The following TNRC6B variants were observed in gnomAD, a reference collection of about 807,000 sequenced individuals.
The protein encoded by TNRC6B is trinucleotide repeat-containing gene 6B protein.
Under a neutral mutation model 203.6 loss-of-function variants are expected in TNRC6B, and 52 were observed. The observed-to-expected ratio is 0.26, with a 90% CI of 0.20 to 0.32. The LOEUF (loss-of-function observed/expected upper bound fraction) is 0.32. Among genes scored for constraint, TNRC6B ranks in the 10% least tolerant of loss-of-function variants. TNRC6B has a pLI of 1.00. For synonymous variants in TNRC6B, 838 were observed against 845.7 expected (o/e 0.99, Z 0.16); for missense variants, 1,923 against 2,286.2 (o/e 0.84, Z 3.24).
intron 21 of TNRC6B, among the ~76,000 whole-genome samples, 169 bp downstream of exon 21, chr22:40,316,181 C>T (rs904656801): frequency 6.6e-5 from 10 of 151,382 alleles, no homozygotes; most frequent in Non-Finnish European, 1.3e-4. Context: ...GGTGAAACCC[C>T]GTCTCTACTA....
At chr22:40,107,046 T>C in intron 1 of TNRC6B, 1 of 929,218 alleles carries the variant, frequency 1.1e-6, no homozygotes, top group Non-Finnish European at 1.7e-6. Context: ...CTTCTTCTTC[T>C]TCTTTTCTAC....
chr22:40,293,695 C>T (rs1950140041), intron 12 of TNRC6B, among the ~76,000 whole-genome samples: 1 of 152,068 alleles, frequency 6.6e-6, no homozygotes, highest in South Asian at 2.1e-4. Context: ...TGCTCCTTGT[C>T]TGCCCTGCCC....
chr22:40,128,797 A>G (rs6001784), intron 3 of TNRC6B, among the ~76,000 whole-genome samples: 1,855 of 152,056 alleles, frequency 0.012, 39 homozygotes, highest in African/African-American at 0.042. Context: ...TGCTGGAATT[A>G]TAGGTGTAAG....
At position 40,335,347 on chromosome 22, in the gene TNRC6B, A is replaced by T. The variant is rs2146598304; in HGVS notation, c.*12106A>T. 1 of 151,854 alleles carries T rather than the reference A, an allele frequency of 6.6e-6. No individual in the cohort carries two copies. The highest frequency in any genetic ancestry group is 6.6e-5 in the Admixed American group (1 of 15,236). 9.4% of individuals were successfully genotyped at this position (151,854 alleles called of 1,614,324 possible). ...TTTCCTTTTTAGTATAGTGGTACTT[A>T]AAATCACTGGTTCACTTAAAAAAAC... On this transcript the variant is annotated 3_prime_UTR_variant, in exon 23 of 23. Transcript: ENST00000454349.
intron 4 of TNRC6B, among the ~76,000 whole-genome samples, chr22:40,168,907 A>G (rs958457860): frequency 6.6e-6 from 1 of 152,110 alleles, no homozygotes; most frequent in African/African-American, 2.4e-5. Context: ...TTTTATTCCC[A>G]TAGCACAGCC....
At chr22:40,088,651 C>G in intron 1 of TNRC6B, among the ~76,000 whole-genome samples, 1 of 145,806 alleles carries the variant, frequency 6.9e-6, no homozygotes, top group Middle Eastern at 3.3e-3. Flanking sequence ...GACGGGGCTT[C>G]ACCATGTTGG....
chr22:40,224,116 C>T (rs1336792986), intron 1 of TNRC6B, among the ~76,000 whole-genome samples: 5 of 152,150 alleles, frequency 3.3e-5, no homozygotes, highest in Admixed American at 6.5e-5. Context: ...AAGTGATTCT[C>T]GTGCCTCAGC....
intron 1 of TNRC6B, among the ~76,000 whole-genome samples, chr22:40,094,493 TGAA>T (rs2068172865): frequency 6.6e-6 from 1 of 152,178 alleles, no homozygotes; most frequent in Non-Finnish European, 1.5e-5. Flanking sequence ...AAAAACAGTT[TGAA>T]GAAGAAGTTG....
At chr22:40,257,530 A>G (rs2070298888) in intron 3 of TNRC6B, among the ~76,000 whole-genome samples, 1 of 151,950 alleles carries the variant, frequency 6.6e-6, no homozygotes, top group Admixed American at 6.6e-5. Flanking sequence ...CAGCCTGGCC[A>G]ACATGGTGAA....
intron 1 of TNRC6B, among the ~76,000 whole-genome samples, chr22:40,081,800 T>C (rs2068065898): frequency 6.6e-6 from 1 of 152,210 alleles, no homozygotes; most frequent in Non-Finnish European, 1.5e-5. Flanking sequence ...AGACTTTGGA[T>C]AAGACTTTCT....
chr22:40,300,532 T>C lies in TNRC6B; in HGVS notation c.3786T>C (p.Ser1262=). The C allele has an allele frequency of 6.2e-7, 1 of 1,613,418 alleles. No homozygotes were observed. The highest frequency in any genetic ancestry group is 8.5e-7 in the Non-Finnish European group (1 of 1,179,718). The change falls in exon 13 of 23, where the codon TCT becomes TCC. Residue 1262 remains serine, a synonymous_variant. Transcript: ENST00000454349. ...PGLFNVGPQL[S]PQQIAMLSQL... The stretch of plus-strand genomic sequence containing the variant: ...TTTTCAATGTGGGGCCCCAGTTATC[T>C]CCTCAACAAATTGCCATGCTGAGCC...
chr22:40,170,862 C>CACCT (rs1569006611), intron 4 of TNRC6B, among the ~76,000 whole-genome samples: 4 of 111,384 alleles, frequency 3.6e-5, no homozygotes, highest in African/African-American at 1.5e-4. Flanking sequence ...TGTATATATA[C>CACCT]ATATATGTAC....
At chr22:40,228,941 A>G (rs1337805424) in intron 1 of TNRC6B, among the ~76,000 whole-genome samples, 1 of 152,126 alleles carries the variant, frequency 6.6e-6, no homozygotes, top group African/African-American at 2.4e-5. Flanking sequence ...CAGGAGTAAA[A>G]TGTGAGGTGT....
rs2069331437 is a variant in TNRC6B at position 40,195,929 on chromosome 22, C to T, written c.5+17789C>T. Among the ~76,000 whole-genome samples, 3 of 152,152 alleles carry T rather than the reference C, an allele frequency of 2.0e-5. No individual in the cohort carries two copies. The South Asian group carries it at 6.2e-4, about 32-fold the overall frequency. ...GGACTACAGGCGCCCGCCACCACGC[C>T]CAGCTAATTTTTTTTGTTTGTTTGT... On this transcript the variant is annotated intron_variant, in intron 1 of 22. Coordinates refer to ENST00000454349, the MANE Select transcript of TNRC6B (RefSeq NM_001162501.2).
chr22:40,053,662 C>T (rs1187899963), intron 1 of TNRC6B, among the ~76,000 whole-genome samples: 1 of 152,200 alleles, frequency 6.6e-6, no homozygotes, highest in Non-Finnish European at 1.5e-5. Flanking sequence ...GTCATCTTTG[C>T]ATCCCTAGGC....
chr22:40,226,407 T>C (rs1376726104), intron 1 of TNRC6B, among the ~76,000 whole-genome samples: 25 of 152,140 alleles, frequency 1.6e-4, no homozygotes, highest in Non-Finnish European at 2.9e-5. Context: ...ACAAACTTAA[T>C]AAAATGACAG....
At chr22:40,214,323 G>A (rs940152692) in intron 1 of TNRC6B, among the ~76,000 whole-genome samples, 3 of 151,864 alleles carry the variant, frequency 2.0e-5, no homozygotes, top group East Asian at 1.9e-4. Context: ...TGATGGAACC[G>A]TTCTCTCTCT....
At chr22:40,170,181 G>C (rs1030608202) in intron 4 of TNRC6B, among the ~76,000 whole-genome samples, 1 of 149,198 alleles carries the variant, frequency 6.7e-6, no homozygotes, top group African/African-American at 2.5e-5. Context: ...GGGAGGCTGA[G>C]GCAGGAGAAT....
intron 1 of TNRC6B, among the ~76,000 whole-genome samples, chr22:40,076,517 T>C (rs1400009140): frequency 1.3e-5 from 2 of 152,246 alleles, no homozygotes; most frequent in Admixed American, 6.5e-5. Context: ...TTTCTATCTT[T>C]TGGCACCTTA....
Sources: gnomAD v4.1 joint callset for allele counts (sites outside exome capture counted in the v4.1 genomes callset) on GRCh38, gnomAD v4.1.1 for gene constraint, MANE v1.5 for transcripts, NCBI Gene and HGNC (gene_info 2026-07-23, HGNC 2026-07-21) for gene names.